Variants in TINAG observed in about 807,000 individuals in gnomAD.
TINAG encodes the protein tubulointerstitial nephritis antigen.
A neutral mutation model predicts 72.7 loss-of-function variants in TINAG; 83 were observed. That is an observed-to-expected ratio of 1.14 (90% CI 0.96 to 1.37). The LOEUF is 1.37. Among genes scored for constraint, TINAG ranks in the 40% most tolerant of loss-of-function variants. TINAG has a pLI of 0.00. For synonymous variants in TINAG, 234 were observed against 189.9 expected, an observed-to-expected ratio of 1.23 and a Z score of -1.91; for missense variants, 685 against 576.6, an observed-to-expected ratio of 1.19 and a Z score of -1.93.
chr6:54,367,686 G>C (rs1254711415), intron 9 of TINAG, among the ~76,000 whole-genome samples: 1 of 151,652 alleles, frequency 6.6e-6, no homozygotes, highest in Non-Finnish European at 1.5e-5. Context: ...TATTTTTCTA[G>C]TAGAGTGCTA....
Position 54,390,062 on chromosome 6 carries a change from C to T in TINAG, c.*137C>T, listed in dbSNP as rs75215264. On this transcript the variant is annotated 3_prime_UTR_variant, in exon 11 of 11. Coordinates refer to ENST00000259782, the MANE Select transcript of TINAG (RefSeq NM_014464.4). ...ATAATCTATCTATTTTCTTATTTTC[C>T]CCTCTGGTCTATGCTTCTGCTTCCT... is the stretch of plus-strand genomic sequence containing the variant. The T allele has an allele frequency of 1.9e-3, 2,297 of 1,222,192 alleles. 42 individuals carry two copies. The African/African-American group carries it at 0.032, about 17-fold the overall frequency. 75.7% of individuals were successfully genotyped at this position (1,222,192 alleles called of 1,614,324 possible). A position where few individuals can be genotyped will look rare whatever the true frequency, so the allele number is the denominator to read the frequency against.
rs535964737 is a variant in TINAG, at chr6:54,318,958, G to A, written c.356-1621G>A. Among the ~76,000 whole-genome samples the A allele has an allele frequency of 2.0e-5, 3 of 152,252 alleles. No homozygotes were observed. In the South Asian group the frequency reaches 6.2e-4, roughly 32 times the overall value. On this transcript the variant is annotated intron_variant, in intron 1 of 10. Transcript: ENST00000259782. ...TAAGGAAGGATGACCAAGAAATGGA[G>A]TTTTTGTTAACATTAAATTTAGTGT...
intron 10 of TINAG, among the ~76,000 whole-genome samples, chr6:54,384,933 G>A (rs1383043075): frequency 6.6e-6 from 1 of 152,022 alleles, no homozygotes; most frequent in African/African-American, 2.4e-5. Flanking sequence ...ACCACATGCT[G>A]GTCCATAGGG....
intron 1 of TINAG, among the ~76,000 whole-genome samples, chr6:54,319,508 C>T (rs150324798): frequency 1.6e-4 from 24 of 152,046 alleles, no homozygotes; most frequent in Non-Finnish European, 2.5e-4. Context: ...GATGCCTAGA[C>T]GTAAATACAT....
In TINAG at chr6:54,385,014, A is replaced by G. The variant is rs190659533; in HGVS notation, c.1296+4443A>G. ...TGATGAAACTTTTGTTATTTAGCTA[A>G]AGCACTACTGAATGTAATAGAAAAT... On this transcript the variant is annotated intron_variant, in intron 10 of 10. Transcript: ENST00000259782. Among the ~76,000 whole-genome samples the G allele has an allele frequency of 2.1e-3, 316 of 152,260 alleles. 2 individuals are homozygous for G. Among genetic ancestry groups the G allele is most frequent in the African/African-American group, 7.2e-3 (299 of 41,584 alleles).
chr6:54,367,624 A>G (rs906035928), intron 9 of TINAG, among the ~76,000 whole-genome samples: 7 of 151,770 alleles, frequency 4.6e-5, no homozygotes, highest in African/African-American at 1.7e-4. Flanking sequence ...GAACGTGTTA[A>G]TTATTCATTT....
chr6:54,316,534 A>C (rs367568992), intron 1 of TINAG, among the ~76,000 whole-genome samples: 1 of 152,132 alleles, frequency 6.6e-6, no homozygotes. Context: ...CCACTGAACA[A>C]CCCTGGGGGG....
chr6:54,381,488 G>A (rs1763947884), intron 10 of TINAG, among the ~76,000 whole-genome samples: 1 of 151,922 alleles, frequency 6.6e-6, no homozygotes, highest in Non-Finnish European at 1.5e-5. Context: ...TCATCAGAAT[G>A]ACTCTTGGTA....
intron 9 of TINAG, among the ~76,000 whole-genome samples, chr6:54,378,886 C>A (rs1347266692): frequency 6.6e-6 from 1 of 151,982 alleles, no homozygotes; most frequent in Non-Finnish European, 1.5e-5. Flanking sequence ...CTTTTTCTTC[C>A]CTCACTCTCA....
intron 9 of TINAG, 68 bp downstream of exon 9, chr6:54,354,704 G>C (rs1785351155): frequency 6.8e-7 from 1 of 1,480,082 alleles, no homozygotes; most frequent in Non-Finnish European, 9.2e-7. Context: ...AATATGCAGT[G>C]TTTTAAATGC....
chr6:54,347,464 T>C lies in TINAG; in HGVS notation c.846T>C (p.His282=), dbSNP rs1785152010. 1 of 1,613,334 alleles carries C rather than the reference T, an allele frequency of 6.2e-7. No individual in the cohort carries two copies. Among genetic ancestry groups the C allele is most frequent in the Middle Eastern group, 1.7e-4 (1 of 6,060 alleles). The change falls in exon 6 of 11, where the codon CAT becomes CAC. Residue 282 remains histidine (H), a synonymous_variant. Coordinates refer to ENST00000259782, the MANE Select transcript of TINAG (RefSeq NM_014464.4). ...NLISCCAKNR[H]GCNSGSIDRA... ...TCTCTTGCTGTGCCAAGAACCGTCATGGATGCAATAGTGGAAGCATCGATA... is the reference window on the plus strand; with the variant it reads ...TCTCTTGCTGTGCCAAGAACCGTCACGGATGCAATAGTGGAAGCATCGATA...
chr6:54,386,869 T>C (rs1764113252), intron 10 of TINAG, among the ~76,000 whole-genome samples: 1 of 152,150 alleles, frequency 6.6e-6, no homozygotes, highest in Non-Finnish European at 1.5e-5. Flanking sequence ...GAAAATGCTT[T>C]CTTAAATCGG....
intron 4 of TINAG, among the ~76,000 whole-genome samples, chr6:54,334,105 G>C (rs758710450): frequency 6.6e-6 from 1 of 152,146 alleles, no homozygotes; most frequent in Non-Finnish European, 1.5e-5. Context: ...TTACAAACCT[G>C]TTACTCACAA....
chr6:54,380,953 A>G (rs1315016971), intron 10 of TINAG, among the ~76,000 whole-genome samples: 2 of 147,972 alleles, frequency 1.4e-5, no homozygotes, highest in Admixed American at 1.4e-4. Flanking sequence ...ATATATGTAT[A>G]TATATCCTAT....
chr6:54,330,258 C>A (rs1161914341), intron 4 of TINAG, among the ~76,000 whole-genome samples: 4 of 151,870 alleles, frequency 2.6e-5, no homozygotes, highest in Non-Finnish European at 5.9e-5. Context: ...GAATGGAAAT[C>A]ATAACAAACA....
chr6:54,344,694 G>C (rs1452832774), intron 5 of TINAG, among the ~76,000 whole-genome samples: 4 of 152,072 alleles, frequency 2.6e-5, no homozygotes, highest in African/African-American at 9.7e-5. Context: ...ATATATTTTG[G>C]TGTTCCCAGG....
intron 1 of TINAG, among the ~76,000 whole-genome samples, chr6:54,313,067 T>A (rs1562144299): frequency 6.6e-6 from 1 of 152,080 alleles, no homozygotes; most frequent in Non-Finnish European, 1.5e-5. Context: ...TCTTTGAAAA[T>A]GGAAGGTGTA....
intron 9 of TINAG, among the ~76,000 whole-genome samples, chr6:54,377,816 A>T (rs1763825354): frequency 2.6e-5 from 4 of 152,174 alleles, no homozygotes; most frequent in Admixed American, 2.6e-4. Flanking sequence ...TTAGGAAAAA[A>T]TGCCCTCAAG....
chr6:54,309,972 A>G (rs138397417), intron 1 of TINAG, among the ~76,000 whole-genome samples: 193 of 151,834 alleles, frequency 1.3e-3, no homozygotes, highest in African/African-American at 4.4e-3. Context: ...CATAATTGTT[A>G]TTTATCCTCG....
Sources: allele counts gnomAD v4.1 joint callset (sites outside exome capture counted in the v4.1 genomes callset), GRCh38; gene constraint gnomAD v4.1.1; transcripts MANE v1.5; gene names NCBI Gene and HGNC (gene_info 2026-07-23, HGNC 2026-07-21).